Variants in HSPG2 observed in about 807,000 individuals in gnomAD.
HSPG2 encodes basement membrane-specific heparan sulfate proteoglycan core protein.
Under a neutral mutation model 526.6 loss-of-function variants are expected in HSPG2, and 278 were observed. The observed-to-expected ratio is 0.53, with a 90% CI of 0.48 to 0.58. The LOEUF (loss-of-function observed/expected upper bound fraction) is 0.58. Among genes scored for constraint, HSPG2 ranks in the 20% least tolerant of loss-of-function variants. The probability of loss-of-function intolerance (pLI) is 0.00; values close to 1 mark genes in which losing one functional copy is unlikely to be tolerated. For synonymous variants in HSPG2, 2,465 were observed against 2,555.4 expected, an observed-to-expected ratio of 0.96 and a Z score of 1.07; for missense variants, 5,354 against 6,099.5, an observed-to-expected ratio of 0.88 and a Z score of 4.07.
chr1:21,858,681 G>A lies in HSPG2; in HGVS notation c.5293+885C>T, dbSNP rs368191294. Reference sequence around the variant, plus strand: ...GGCCTAGCCACGCTTCCCACCCCCCGTGCCCACCTGCCTGACTTCTGCCAG... The same window carrying A: ...GGCCTAGCCACGCTTCCCACCCCCCATGCCCACCTGCCTGACTTCTGCCAG... On this transcript the variant is annotated intron_variant, in intron 42 of 96. Coordinates refer to ENST00000374695, the MANE Select transcript of HSPG2 (RefSeq NM_005529.7). This position sits in a 1 kb window ranked among gnomAD's most constrained non-coding sequence, Gnocchi z 4.2. Among the ~76,000 whole-genome samples, 26 of 152,194 alleles carry A rather than the reference G, an allele frequency of 1.7e-4. 1 individual carries two copies. The highest frequency in any genetic ancestry group is 1.2e-3 in the East Asian group (6 of 5,198).
chr1:21,869,636 C>G (rs1182755363), intron 33 of HSPG2: 22 of 985,936 alleles, frequency 2.2e-5, no homozygotes, highest in Non-Finnish European at 2.7e-5. Flanking sequence ...CAGATCTCAG[C>G]ATCCATCCGT....
At chr1:21,844,491 C>T (rs2152709000) in intron 64 of HSPG2, among the ~76,000 whole-genome samples, 192 bp from the exon 65 acceptor site, 1 of 152,384 alleles carries the variant, frequency 6.6e-6, no homozygotes, top group Middle Eastern at 3.4e-3. Flanking sequence ...GCCCCGCCCC[C>T]AGGCAATGGC....
At position 21,857,332 on chromosome 1, in the gene HSPG2, C is replaced by A. The variant is rs200944352; in HGVS notation, c.5347G>T (p.Val1783Leu). 2.5e-6 allele frequency: 4 copies of A among 1,613,928 alleles called. 1 individual carries two copies. Among genetic ancestry groups the A allele is most frequent in the Non-Finnish European group, 3.4e-6 (4 of 1,180,022 alleles). Residue 1783 changes from valine to leucine, a missense_variant, in exon 43 of 97, where the codon GTG (valine) becomes TTG (leucine). Coordinates refer to ENST00000374695, the MANE Select transcript of HSPG2 (RefSeq NM_005529.7). ...VTVEEQRSQS[V>L]RPGADVTFIC... The stretch of plus-strand genomic sequence containing the variant: ...AAGGTGACGTCAGCTCCGGGGCGCA[C>A]GCTCTGGCTCCGCTGCTCCTCCACA...
Position 21,895,883 on chromosome 1 carries a change from G to A in HSPG2, c.244+39C>T, listed in dbSNP as rs770699526. The A allele has an allele frequency of 2.3e-5, 37 of 1,603,820 alleles. No individual in the cohort carries two copies. The highest frequency in any genetic ancestry group is 3.2e-5 in the Non-Finnish European group (37 of 1,171,358). On this transcript the variant is annotated intron_variant, in intron 3 of 96. Transcript: ENST00000374695. This position sits in a 1 kb window ranked among gnomAD's most constrained non-coding sequence, Gnocchi z 4.1. ...GACTGGCTCTGGGGCTTCCCTGGGG[G>A]ACAGGAGGGAGACCTGCAGGAGGCC... is the stretch of plus-strand genomic sequence containing the variant.
Position 21,828,121 on chromosome 1 carries a change from G to A in HSPG2, c.12441C>T (p.Cys4147=). 1 of 1,613,096 alleles carries A rather than the reference G, an allele frequency of 6.2e-7. No individual in the cohort carries two copies. Among genetic ancestry groups the A allele is most frequent in the Non-Finnish European group, 8.5e-7 (1 of 1,179,920 alleles). Residue 4147 remains cysteine (C), a synonymous_variant, in exon 90 of 97, where the codon TGC becomes TGT. Transcript: ENST00000374695. The surrounding 1 kb of genome is among the most constrained non-coding windows in gnomAD (Gnocchi z 6.0). The part of the protein sequence containing the change: ...GDLCEHEENP[C]QLREPCLHGG... Reference sequence around the variant, plus strand: ...CATGCAGACAGGGTTCACGGAGCTGGCAGGGGTTCTCCTCGTGCTCACACA... The same window carrying A: ...CATGCAGACAGGGTTCACGGAGCTGACAGGGGTTCTCCTCGTGCTCACACA...
chr1:21,864,731 T>C lies in HSPG2; in HGVS notation c.4626+112A>G. 1 of 873,674 alleles carries C rather than the reference T, an allele frequency of 1.1e-6. No homozygotes were observed. Among genetic ancestry groups the C allele is most frequent in the Non-Finnish European group, 1.8e-6 (1 of 541,082 alleles). The allele number at this position is 873,674 out of a possible 1,614,324, so 54.1% of individuals were successfully genotyped here. ...GGGAGGAATACATGCAGGGCCCAGA[T>C]GCAGGGGTCATTATAGTTATGATGG... On this transcript the variant is annotated intron_variant, in intron 36 of 96. Transcript: ENST00000374695. This position sits in a 1 kb window ranked among gnomAD's most constrained non-coding sequence, Gnocchi z 4.8.
intron 37 of HSPG2, among the ~76,000 whole-genome samples, chr1:21,862,831 T>G (rs1302400312): frequency 6.6e-6 from 1 of 151,008 alleles, no homozygotes; most frequent in African/African-American, 2.4e-5. Context: ...TCTCAGGACG[T>G]GGGTGGATCA....
intron 1 of HSPG2, among the ~76,000 whole-genome samples, chr1:21,923,322 G>A (rs1483526881): frequency 6.6e-6 from 1 of 151,966 alleles, no homozygotes; most frequent in Non-Finnish European, 1.5e-5. Context: ...CAGGAGAATC[G>A]CTTGAACCAG....
At chr1:21,914,735 T>A (rs1380189975) in intron 1 of HSPG2, among the ~76,000 whole-genome samples, 1 of 152,018 alleles carries the variant, frequency 6.6e-6, no homozygotes, top group Non-Finnish European at 1.5e-5. Context: ...GACTTTCTCC[T>A]CCCCAAAAGG....
intron 57 of HSPG2, 33 bp downstream of exon 57, chr1:21,850,008 G>T: frequency 6.2e-7 from 1 of 1,611,508 alleles, no homozygotes; most frequent in African/African-American, 1.3e-5. Flanking sequence ...CAGCTACAGG[G>T]TCCTTCAGGC....
chr1:21,842,773 G>A lies in HSPG2; in HGVS notation c.8907C>T (p.His2969=). ...YKRGGSLPAR[H]QTHGSQLRLH... Reference sequence around the variant, plus strand: ...CTCCCCATCCTGGCCCCTGTACCTGGTGCCGGGCGGGGAGGCTGCCCCCGC... The same window carrying A: ...CTCCCCATCCTGGCCCCTGTACCTGATGCCGGGCGGGGAGGCTGCCCCCGC... The change falls in exon 67 of 97, where the codon CAC becomes CAT. Residue 2969 remains histidine (H), a synonymous_variant. Transcript: ENST00000374695. 1 of 1,613,102 alleles carries A rather than the reference G, an allele frequency of 6.2e-7. No homozygotes were observed. The highest frequency in any genetic ancestry group is 8.5e-7 in the Non-Finnish European group (1 of 1,180,018).
Position 21,890,336 on chromosome 1 carries a change from C to T in HSPG2, c.413+91G>A. ...ACAGCGACTCATCCCATAGGCCTTT[C>T]CGCGGTGCCAGGCTTCCTTCCCATC... On this transcript the variant is annotated intron_variant, in intron 5 of 96. Transcript: ENST00000374695. The surrounding 1 kb of genome is among the most constrained non-coding windows in gnomAD (Gnocchi z 4.1). 1 of 1,389,136 alleles carries T rather than the reference C, an allele frequency of 7.2e-7. No homozygotes were observed. Among genetic ancestry groups the T allele is most frequent in the Non-Finnish European group, 1.0e-6 (1 of 977,416 alleles). The allele number at this position is 1,389,136 out of a possible 1,614,324, so 86.1% of individuals were successfully genotyped here.
In HSPG2 at chr1:21,864,234, T is replaced by A; in HGVS notation, c.4627-21A>T. Reference sequence around the variant, plus strand: ...CAGTCCTAGGGGCAGAGAGGAAGGTTGGCCTCTGTTCCCAACGTGCCCCAC... The same window carrying A: ...CAGTCCTAGGGGCAGAGAGGAAGGTAGGCCTCTGTTCCCAACGTGCCCCAC... On this transcript the variant is annotated intron_variant, in intron 36 of 96. Coordinates refer to ENST00000374695, the MANE Select transcript of HSPG2 (RefSeq NM_005529.7). The surrounding 1 kb of genome is among the most constrained non-coding windows in gnomAD (Gnocchi z 4.8). 1 of 1,543,548 alleles carries A rather than the reference T, an allele frequency of 6.5e-7. No homozygotes were observed. Among genetic ancestry groups the A allele is most frequent in the Non-Finnish European group, 8.8e-7 (1 of 1,140,848 alleles).
Position 21,873,432 on chromosome 1 carries a change from G to A in HSPG2, c.3744-8C>T, listed in dbSNP as rs368626586. On this transcript the variant is annotated splice_region_variant and splice_polypyrimidine_tract_variant and intron_variant, in intron 29 of 96. Coordinates refer to ENST00000374695, the MANE Select transcript of HSPG2 (RefSeq NM_005529.7). The stretch of plus-strand genomic sequence containing the variant: ...TAGTAGCCAGGGGCGCACCTGCAGA[G>A]AGAAAAAGCCTCTGATGAATTTTGG... 250 of 1,614,072 alleles carry A rather than the reference G, an allele frequency of 1.5e-4. No homozygotes were observed. The African/African-American group carries it at 3.1e-3, about 20-fold the overall frequency.
intron 21 of HSPG2, 73 bp downstream of exon 21, chr1:21,878,113 G>T (rs1641222850): frequency 7.2e-7 from 1 of 1,383,906 alleles, no homozygotes; most frequent in Non-Finnish European, 1.0e-6. Context: ...AGAGGACGGA[G>T]CTTCCTTCTT....
chr1:21,851,584 A>C lies in HSPG2; in HGVS notation c.7120T>G (p.Trp2374Gly). ...GGGAGGCTGCCCCCACGCTTGTGCC[A>C]CGTGACCTGGGCATGGGACTGCCCG... is the stretch of plus-strand genomic sequence containing the variant. ...VPGQSHAQVT[W>G]HKRGGSLPVR... The change falls in exon 55 of 97, where the codon TGG (tryptophan) becomes GGG (glycine). Residue 2374 changes from tryptophan to glycine, a missense_variant. Transcript: ENST00000374695. 2.5e-6 allele frequency: 4 copies of C among 1,613,952 alleles called. No individual in the cohort carries two copies. The highest frequency in any genetic ancestry group is 3.4e-6 in the Non-Finnish European group (4 of 1,180,032).
chr1:21,925,064 C>T (rs1474936773), intron 1 of HSPG2, among the ~76,000 whole-genome samples: 1 of 152,216 alleles, frequency 6.6e-6, no homozygotes, highest in East Asian at 1.9e-4. Flanking sequence ...CAATTTCTTC[C>T]AGGAGGTCTG....
At chr1:21,860,449 A>G (rs1639699034) in intron 39 of HSPG2, among the ~76,000 whole-genome samples, 1 of 152,084 alleles carries the variant, frequency 6.6e-6, no homozygotes. Context: ...TTGGGTGATG[A>G]GAGAGGTAAG....
rs142623805 is a variant in HSPG2, at chr1:21,882,417, A to G, written c.1655-915T>C. ...CTTCTATGTACACACACACACACACACACACACACACACACACACACACAC... is the reference window on the plus strand; with the variant it reads ...CTTCTATGTACACACACACACACACGCACACACACACACACACACACACAC... On this transcript the variant is annotated intron_variant, in intron 13 of 96. Coordinates refer to ENST00000374695, the MANE Select transcript of HSPG2 (RefSeq NM_005529.7). Among the ~76,000 whole-genome samples the G allele has an allele frequency of 5.1e-3, 780 of 151,482 alleles. 3 individuals carry two copies. The highest frequency in any genetic ancestry group is 6.9e-3 in the Non-Finnish European group (471 of 67,810).
Sources: gnomAD v4.1 joint callset for allele counts (sites outside exome capture counted in the v4.1 genomes callset) on GRCh38, gnomAD v4.1.1 for gene constraint, Gnocchi (gnomAD v3.1) non-coding constraint, MANE v1.5 for transcripts, NCBI Gene and HGNC (gene_info 2026-07-23, HGNC 2026-07-21) for gene names.